CEP135: variants seen among roughly 807,000 people sequenced by gnomAD.
The protein encoded by CEP135 is centrosomal protein 135, also known as centrosomal protein of 135 kDa.
CEP135 carries 142 observed loss-of-function variants against 157.3 expected under a neutral mutation model. That is an observed-to-expected ratio of 0.90 (90% CI 0.79 to 1.04). CEP135 has a LOEUF of 1.04. CEP135 is among the 50% of genes least tolerant of loss of function. The pLI, the probability that CEP135 is intolerant of heterozygous loss-of-function variation, is 0.00. For synonymous variants in CEP135, 396 were observed against 439.8 expected (o/e 0.90, Z 1.25); for missense variants, 1,317 against 1,309.2 (o/e 1.01, Z -0.09).
intron 1 of CEP135, among the ~76,000 whole-genome samples, chr4:55,950,874 GT>G (rs1728343155): frequency 6.6e-6 from 1 of 152,070 alleles, no homozygotes; most frequent in Admixed American, 6.5e-5. Context: ...CCCAATCAAT[GT>G]AATATTTTCA....
intron 9 of CEP135, 95 bp from the exon 10 acceptor site, chr4:55,971,175 G>A: frequency 1.2e-6 from 1 of 856,504 alleles, no homozygotes; most frequent in Admixed American, 3.2e-5. Context: ...TATGTAAATT[G>A]CTGTTATATA....
intron 9 of CEP135, among the ~76,000 whole-genome samples, chr4:55,969,449 GAA>G (rs1288921102): frequency 2.4e-4 from 32 of 131,954 alleles, no homozygotes; most frequent in African/African-American, 8.8e-4. Flanking sequence ...AAAAAAAAAA[GAA>G]AAGAAAATTT....
intron 17 of CEP135, 78 bp from the exon 18 acceptor site, chr4:56,008,249 T>C: frequency 2.0e-6 from 2 of 1,013,518 alleles, no homozygotes; most frequent in Non-Finnish European, 3.1e-6. Flanking sequence ...ATTTGAACTA[T>C]ATGAATATGA....
intron 22 of CEP135, among the ~76,000 whole-genome samples, chr4:56,018,736 G>C (rs1027906801): frequency 6.6e-6 from 1 of 151,936 alleles, no homozygotes; most frequent in African/African-American, 2.4e-5. Flanking sequence ...CTCCAGCTTG[G>C]GCAACAGAGT....
chr4:55,976,318 T>A (rs535696034), intron 11 of CEP135, among the ~76,000 whole-genome samples: 1 of 152,202 alleles, frequency 6.6e-6, no homozygotes, highest in South Asian at 2.1e-4. Context: ...ATAATTTATG[T>A]TGCTGAGTTT....
chr4:56,023,791 ATATT>A (rs1342681913), intron 24 of CEP135, among the ~76,000 whole-genome samples: 19 of 141,200 alleles, frequency 1.3e-4, no homozygotes, highest in African/African-American at 4.4e-4. Context: ...TTTATATAGT[ATATT>A]TATATATTAC....
chr4:55,976,985 T>G (rs933921855), intron 11 of CEP135, among the ~76,000 whole-genome samples: 1 of 151,938 alleles, frequency 6.6e-6, no homozygotes, highest in Non-Finnish European at 1.5e-5. Context: ...TTTTTTTTTT[T>G]TGTTTTTTGT....
At chr4:56,017,547 T>C (rs1012503444) in intron 21 of CEP135, 101 bp from the exon 22 acceptor site, 28 of 998,380 alleles carry the variant, frequency 2.8e-5, no homozygotes, top group Non-Finnish European at 3.6e-5. Context: ...AAAAATTGGC[T>C]GTCATATTTT....
At chr4:56,029,433 C>A (rs1731264100) in intron 25 of CEP135, among the ~76,000 whole-genome samples, 1 of 152,116 alleles carries the variant, frequency 6.6e-6, no homozygotes, top group Non-Finnish European at 1.5e-5. Context: ...CTCTAGCCAC[C>A]AGTCATCTCA....
chr4:56,019,006 TG>T (rs1481612090), intron 22 of CEP135, among the ~76,000 whole-genome samples: 8 of 152,168 alleles, frequency 5.3e-5, no homozygotes, highest in African/African-American at 1.9e-4. Flanking sequence ...ACTATAATAC[TG>T]GCTTGATTAT....
rs948312144 is a variant in CEP135 at position 55,981,863 on chromosome 4, G to GA, written c.1779+490dup. Among the ~76,000 whole-genome samples, 60 of 152,146 alleles carry GA rather than the reference G, an allele frequency of 3.9e-4. 2 individuals carry two copies. Among genetic ancestry groups the GA allele is most frequent in the Admixed American group, 2.6e-3 (39 of 15,284 alleles). On this transcript the variant is annotated intron_variant, in intron 13 of 25. Coordinates refer to ENST00000257287, the MANE Select transcript of CEP135 (RefSeq NM_025009.5). ...CATCATAAGTAAAAAATGTAAGTCG[G>GA]AAAAAATGCATTTAATACCCCAGTA...
intron 9 of CEP135, among the ~76,000 whole-genome samples, chr4:55,971,004 C>T (rs1729010130): frequency 6.6e-6 from 1 of 152,028 alleles, no homozygotes; most frequent in South Asian, 2.1e-4. Context: ...AGTATATATT[C>T]ATTTAGAAAA....
chr4:56,011,708 A>G, intron 20 of CEP135, 92 bp from the exon 21 acceptor site: 1 of 1,113,544 alleles, frequency 9.0e-7, no homozygotes, highest in South Asian at 1.6e-5. Flanking sequence ...AAATTAGAAC[A>G]GAATGCTGTG....
rs1560420701 is a variant in CEP135, at chr4:56,009,824, T to C, written c.2426T>C (p.Val809Ala). 1 of 1,614,118 alleles carries C rather than the reference T, an allele frequency of 6.2e-7. No individual in the cohort carries two copies. The highest frequency in any genetic ancestry group is 8.5e-7 in the Non-Finnish European group (1 of 1,180,010). ...LDAAHKELDE[V>A]GRSREIAFKE... ...GCAGCTCACAAAGAACTCGATGAAG[T>C]AGGAAGATCTAGAGAAATCGCTTTT... The change falls in exon 19 of 26, where the codon GTA (valine) becomes GCA (alanine). Residue 809 changes from valine to alanine, a missense_variant. By Grantham distance (64) the Val-to-Ala change is moderately conservative. Transcript: ENST00000257287.
At chr4:55,969,204 C>A in intron 9 of CEP135, 76 bp downstream of exon 9, 3 of 1,200,066 alleles carry the variant, frequency 2.5e-6, no homozygotes, top group East Asian at 2.4e-5. Context: ...GGGTTTATCA[C>A]CTGAGGTCAG....
intron 1 of CEP135, among the ~76,000 whole-genome samples, chr4:55,950,200 G>T (rs1728318927): frequency 6.6e-6 from 1 of 152,226 alleles, no homozygotes; most frequent in African/African-American, 2.4e-5. Context: ...AGACTCAGGA[G>T]ACCTGGTCTC....
intron 17 of CEP135, among the ~76,000 whole-genome samples, chr4:56,002,936 T>G (rs1262468440): frequency 6.6e-6 from 1 of 152,174 alleles, no homozygotes; most frequent in Non-Finnish European, 1.5e-5. Context: ...TTCTATTTCT[T>G]CATGGTTCAA....
rs1211772202 is a variant in CEP135 at position 56,032,309 on chromosome 4, G to C, written c.*961G>C. The C allele has an allele frequency of 2.6e-5, 4 of 152,136 alleles. No individual in the cohort carries two copies. The highest frequency in any genetic ancestry group is 4.2e-4 in the South Asian group (2 of 4,814). The allele number at this position is 152,136 out of a possible 1,614,324, so 9.4% of individuals were successfully genotyped here. On this transcript the variant is annotated 3_prime_UTR_variant, in exon 26 of 26. Coordinates refer to ENST00000257287, the MANE Select transcript of CEP135 (RefSeq NM_025009.5). ...AAAATACAAAAATTATCTGGGCTTGGTGGCGGGCACCTGTAATCCCAGCCA... is the reference window on the plus strand; with the variant it reads ...AAAATACAAAAATTATCTGGGCTTGCTGGCGGGCACCTGTAATCCCAGCCA...
intron 19 of CEP135, among the ~76,000 whole-genome samples, chr4:56,010,717 C>A (rs990941326): frequency 6.6e-6 from 1 of 152,030 alleles, no homozygotes; most frequent in Non-Finnish European, 1.5e-5. Flanking sequence ...TAGTTCTGTT[C>A]GTGCTGGTTT....
Sources: gnomAD v4.1 joint callset for allele counts (sites outside exome capture counted in the v4.1 genomes callset) on GRCh38, gnomAD v4.1.1 for gene constraint, MANE v1.5 for transcripts, NCBI Gene and HGNC (gene_info 2026-07-23, HGNC 2026-07-21) for gene names.